The following NRDC variants were observed in gnomAD, a reference collection of about 807,000 sequenced individuals.
NRDC encodes nardilysin convertase, also known as nardilysin.
Under a neutral mutation model 147.1 loss-of-function variants are expected in NRDC, and 54 were observed. That is an observed-to-expected ratio of 0.37 (90% CI 0.29 to 0.46). The LOEUF (loss-of-function observed/expected upper bound fraction) is 0.46, where lower values mean the gene tolerates loss of function less well. Among genes scored for constraint, NRDC ranks in the 20% least tolerant of loss-of-function variants. The probability of loss-of-function intolerance (pLI) is 1.00; values close to 1 mark genes in which losing one functional copy is unlikely to be tolerated. For synonymous variants in NRDC, 440 were observed against 482.1 expected (o/e 0.91, Z 1.14); for missense variants, 1,082 against 1,370.6 (o/e 0.79, Z 3.33).
chr1:51,829,552 C>T (rs949499704), intron 4 of NRDC, among the ~76,000 whole-genome samples: 3 of 152,104 alleles, frequency 2.0e-5, no homozygotes, highest in Admixed American at 2.0e-4. Flanking sequence ...AGACTTTAAC[C>T]TCTGATTTGA....
At chr1:51,835,054 GT>G (rs1448587997) in intron 3 of NRDC, among the ~76,000 whole-genome samples, 1 of 151,948 alleles carries the variant, frequency 6.6e-6, no homozygotes, top group Non-Finnish European at 1.5e-5. Context: ...TCCACATAGA[GT>G]TTTTTTGTTT....
chr1:51,795,656 C>T (rs965983534), intron 22 of NRDC: 6 of 157,424 alleles, frequency 3.8e-5, no homozygotes, highest in African/African-American at 1.4e-4. Flanking sequence ...GAATCTTGAA[C>T]AAGCATCTGA....
chr1:51,844,105 C>T (rs1444928175), intron 1 of NRDC, among the ~76,000 whole-genome samples: 1 of 152,016 alleles, frequency 6.6e-6, no homozygotes, highest in Non-Finnish European at 1.5e-5. Flanking sequence ...TCTCTGTTTC[C>T]ATTCTAACCT....
At chr1:51,833,470 C>T (rs1180075972) in intron 4 of NRDC, among the ~76,000 whole-genome samples, 1 of 148,958 alleles carries the variant, frequency 6.7e-6, no homozygotes, top group East Asian at 1.9e-4. Context: ...CATAATGAGT[C>T]AACAGAGAAT....
intron 24 of NRDC, 50 bp from the exon 25 acceptor site, chr1:51,792,474 G>A: frequency 1.3e-6 from 2 of 1,574,664 alleles, no homozygotes; most frequent in South Asian, 1.1e-5. Flanking sequence ...GGTTTACAGG[G>A]CTTTTAAATA....
intron 7 of NRDC, 48 bp from the exon 8 acceptor site, chr1:51,821,603 T>G (rs749151957): frequency 8.0e-7 from 1 of 1,250,218 alleles, no homozygotes; most frequent in East Asian, 2.3e-5. Flanking sequence ...AATGACATTA[T>G]TCAAGGTAGA....
intron 1 of NRDC, among the ~76,000 whole-genome samples, chr1:51,866,818 T>C (rs776092989): frequency 2.0e-5 from 3 of 152,076 alleles, no homozygotes; most frequent in Non-Finnish European, 4.4e-5. Flanking sequence ...TATACAACTA[T>C]AGATAGAACT....
intron 10 of NRDC, among the ~76,000 whole-genome samples, chr1:51,816,998 G>A (rs1291969500): frequency 6.6e-6 from 1 of 152,100 alleles, no homozygotes; most frequent in South Asian, 2.1e-4. Flanking sequence ...GAGTAATTGT[G>A]CACATGCTGT....
chr1:51,825,935 G>A (rs374769635), intron 5 of NRDC, among the ~76,000 whole-genome samples: 2 of 152,236 alleles, frequency 1.3e-5, no homozygotes, highest in East Asian at 3.8e-4. Flanking sequence ...AAATGATTAG[G>A]TAATGAGGGC....
intron 1 of NRDC, among the ~76,000 whole-genome samples, chr1:51,848,763 G>A (rs1681785771): frequency 6.6e-6 from 1 of 152,044 alleles, no homozygotes; most frequent in Non-Finnish European, 1.5e-5. Context: ...CATTTTTAAT[G>A]TATTAACTTA....
rs547734775 is a variant in NRDC at position 51,833,629 on chromosome 1, G to T, written c.866+388C>A. ...CAAATAAAGTTTTGTTTGAGACAGG[G>T]TCTCAAACAAACTCTGTCACCCAGG... On this transcript the variant is annotated intron_variant, in intron 4 of 30. Transcript: ENST00000352171. Among the ~76,000 whole-genome samples the T allele has an allele frequency of 1.7e-4, 26 of 151,958 alleles. No individual in the cohort carries two copies. The South Asian group carries it at 3.3e-3, about 19-fold the overall frequency.
At position 51,837,525 on chromosome 1, in the gene NRDC, C is replaced by T. The variant is rs565092032; in HGVS notation, c.631-1313G>A. On this transcript the variant is annotated intron_variant, in intron 2 of 30. Coordinates refer to ENST00000352171, the MANE Select transcript of NRDC (RefSeq NM_001101662.2). ...CAACTACCCCATAAAGATTTCTTGT[C>T]TCGACCAGCAGGGTTGAAGACATTT... is the stretch of plus-strand genomic sequence containing the variant. 3 of 1,590,892 alleles carry T rather than the reference C, an allele frequency of 1.9e-6. No individual in the cohort carries two copies. In the South Asian group the frequency reaches 3.4e-5, roughly 18 times the overall value.
At chr1:51,840,066 G>T in intron 2 of NRDC, 160 bp downstream of exon 2, 1 of 533,430 alleles carries the variant, frequency 1.9e-6, no homozygotes, top group East Asian at 3.1e-5. Flanking sequence ...TTTATAATTG[G>T]AGGAAAATGT....
intron 29 of NRDC, among the ~76,000 whole-genome samples, chr1:51,790,156 C>T (rs568151621): frequency 1.3e-5 from 2 of 152,310 alleles, no homozygotes; most frequent in South Asian, 4.1e-4. Flanking sequence ...ATAGGTTTTA[C>T]TACTTTGGAA....
At chr1:51,860,995 G>C (rs1234774895) in intron 1 of NRDC, among the ~76,000 whole-genome samples, 1 of 148,564 alleles carries the variant, frequency 6.7e-6, no homozygotes, top group Non-Finnish European at 1.5e-5. Flanking sequence ...TGTCACCCAA[G>C]CTGGAATACA....
At chr1:51,855,475 T>C (rs1382412343) in intron 1 of NRDC, among the ~76,000 whole-genome samples, 1 of 149,226 alleles carries the variant, frequency 6.7e-6, no homozygotes, top group Admixed American at 6.7e-5. Flanking sequence ...AGATAAAAAA[T>C]CCAAGCCCTT....
intron 4 of NRDC, 39 bp from the exon 5 acceptor site, chr1:51,827,908 A>C: frequency 6.7e-7 from 1 of 1,500,760 alleles, no homozygotes; most frequent in Non-Finnish European, 9.3e-7. Flanking sequence ...GTTTTTGTTC[A>C]CTTTCATCAA....
In NRDC at chr1:51,878,502, G is replaced by C. The variant is rs747732497; in HGVS notation, c.114C>G (p.Asp38Glu). The change falls in exon 1 of 31, where the codon GAC (aspartate) becomes GAG (glutamate). Residue 38 changes from aspartate (D) to glutamate (E), a missense_variant. Asp to Glu is a conservative substitution (Grantham distance 45, BLOSUM62 2). This residue lies in a region of NRDC where 260 missense variants were observed against 253.2 expected (regional missense o/e 1.03). Coordinates refer to ENST00000352171, the MANE Select transcript of NRDC (RefSeq NM_001101662.2). ...TAGGAAAGGGTCTGGCAGCAGCAGAGTCTTCGCACCGACCCCGCGTTTCGA... is the reference window on the plus strand; with the variant it reads ...TAGGAAAGGGTCTGGCAGCAGCAGACTCTTCGCACCGACCCCGCGTTTCGA... ...WGIETRGRCE[D>E]SAAARPFPIL... The C allele has an allele frequency of 7.4e-6, 12 of 1,613,796 alleles. No homozygotes were observed. The highest frequency in any genetic ancestry group is 4.0e-5 in the African/African-American group (3 of 74,924).
At chr1:51,789,693 G>C (rs776025985) in intron 29 of NRDC, 36 bp from the exon 30 acceptor site, 102 of 1,450,666 alleles carry the variant, frequency 7.0e-5, no homozygotes, top group Non-Finnish European at 9.7e-5. Context: ...AGAAATTCAA[G>C]AAGAAAGATA....
Sources: allele counts gnomAD v4.1 joint callset (sites outside exome capture counted in the v4.1 genomes callset), GRCh38; gene constraint gnomAD v4.1.1; regional missense constraint gnomAD v4.1.1; transcripts MANE v1.5; gene names NCBI Gene and HGNC (gene_info 2026-07-23, HGNC 2026-07-21).